Variants in HMGCLL1 observed in about 807,000 individuals in gnomAD.
The protein encoded by HMGCLL1 is 3-hydroxy-3-methylglutaryl-CoA lyase like 1.
Under a neutral mutation model 39.1 loss-of-function variants are expected in HMGCLL1, and 36 were observed. The ratio of observed to expected loss-of-function variants is 0.92; its 90% CI spans 0.71 to 1.22. The LOEUF is 1.22. Ranked by LOEUF, HMGCLL1 falls within the 50% of genes most tolerant of loss-of-function variation. HMGCLL1 has a pLI of 0.00. For synonymous variants in HMGCLL1, 149 were observed against 144.0 expected (o/e 1.03, Z -0.25); for missense variants, 451 against 416.5 (o/e 1.08, Z -0.72).
chr6:55,435,596 T>A lies in HMGCLL1; in HGVS notation c.*66A>T. On this transcript the variant is annotated 3_prime_UTR_variant, in exon 9 of 9. Transcript: ENST00000274901. ...ACATATCAGAGCAAGTTGGCATTAA[T>A]GATTTTCAGATGAGTATTGTAGCTG... is the stretch of plus-strand genomic sequence containing the variant. The A allele has an allele frequency of 1.2e-6, 1 of 834,092 alleles. No individual in the cohort carries two copies. The highest frequency in any genetic ancestry group is 1.9e-6 in the Non-Finnish European group (1 of 535,318). The allele number at this position is 834,092 out of a possible 1,614,324, so 51.7% of individuals were successfully genotyped here. A position where few individuals can be genotyped will look rare whatever the true frequency, so the allele number is the denominator to read the frequency against.
chr6:55,635,136 A>G, the HMGCLL1 span, among the ~76,000 whole-genome samples: 26,076 of 151,992 alleles, frequency 0.17, 2,451 homozygotes, highest in African/African-American at 0.24. Flanking sequence ...CATTCTCAAG[A>G]GCTCTGAGTA....
the HMGCLL1 span, among the ~76,000 whole-genome samples, chr6:55,602,105 A>G: frequency 6.6e-5 from 10 of 152,160 alleles, no homozygotes; most frequent in East Asian, 1.7e-3. Context: ...GACGTATGTA[A>G]TAAAATATGG....
At chr6:55,585,443 G>T in the HMGCLL1 span, among the ~76,000 whole-genome samples, 1 of 152,066 alleles carries the variant, frequency 6.6e-6, no homozygotes, top group Admixed American at 6.6e-5. Flanking sequence ...TTAACTACAA[G>T]CTCAAACTTC....
the HMGCLL1 span, among the ~76,000 whole-genome samples, chr6:55,614,118 G>A: frequency 6.6e-6 from 1 of 151,886 alleles, no homozygotes; most frequent in African/African-American, 2.4e-5. Flanking sequence ...AAATTCATGT[G>A]GAAATATGCA....
At chr6:55,577,225 A>G (rs1372637713) in intron 1 of HMGCLL1, 9 of 1,513,266 alleles carry the variant, frequency 5.9e-6, no homozygotes, top group Non-Finnish European at 7.9e-6. Context: ...TGTGAGTTCA[A>G]TTACGATAAG....
At chr6:55,540,989 GAAT>G (rs1769402809) in intron 3 of HMGCLL1, among the ~76,000 whole-genome samples, 1 of 152,102 alleles carries the variant, frequency 6.6e-6, no homozygotes, top group Non-Finnish European at 1.5e-5. Context: ...TTAGAATAGA[GAAT>G]AATGGAAACC....
chr6:55,542,244 GAATTAA>G (rs1455863200), intron 1 of HMGCLL1, 104 bp from the exon 2 acceptor site: 10 of 595,726 alleles, frequency 1.7e-5, no homozygotes, highest in Non-Finnish European at 2.6e-5. Flanking sequence ...TTACCCCAGA[GAATTAA>G]AATACTGAAA....
At chr6:55,549,797 T>C (rs997911985) in intron 1 of HMGCLL1, among the ~76,000 whole-genome samples, 2 of 151,926 alleles carry the variant, frequency 1.3e-5, no homozygotes, top group African/African-American at 4.9e-5. Flanking sequence ...ATTGATTATA[T>C]AACAATGTCA....
chr6:55,523,093 C>T (rs1768119781), intron 3 of HMGCLL1, among the ~76,000 whole-genome samples: 1 of 151,896 alleles, frequency 6.6e-6, no homozygotes, highest in Non-Finnish European at 1.5e-5. Context: ...TTTTCCCTGA[C>T]CTGGTCAAGT....
chr6:55,466,275 T>C (rs1051727465), intron 7 of HMGCLL1, among the ~76,000 whole-genome samples: 8 of 151,828 alleles, frequency 5.3e-5, no homozygotes, highest in Admixed American at 3.3e-4. Flanking sequence ...GAGATGAACC[T>C]GAGAGCAGTA....
At chr6:55,645,851 GT>G in the HMGCLL1 span, among the ~76,000 whole-genome samples, 502 of 151,398 alleles carry the variant, frequency 3.3e-3, 5 homozygotes, top group Middle Eastern at 0.01. Context: ...TTGGTTTGTA[GT>G]TTTTTTTAAT....
chr6:55,651,981 T>C, the HMGCLL1 span, among the ~76,000 whole-genome samples: 1 of 152,188 alleles, frequency 6.6e-6, no homozygotes, highest in South Asian at 2.1e-4. Context: ...GGAGGGGTGG[T>C]ATTGTTGATT....
At chr6:55,483,358 C>T (rs1409668455) in intron 7 of HMGCLL1, among the ~76,000 whole-genome samples, 1 of 152,128 alleles carries the variant, frequency 6.6e-6, no homozygotes, top group Non-Finnish European at 1.5e-5. Context: ...CTCTGCCTCC[C>T]AGGTTCAAGC....
the HMGCLL1 span, among the ~76,000 whole-genome samples, chr6:55,639,947 A>G: frequency 1.3e-5 from 2 of 151,838 alleles, no homozygotes; most frequent in African/African-American, 2.4e-5. Flanking sequence ...GCGTGGTGGC[A>G]TGTGCCTGTA....
chr6:55,621,061 C>T, the HMGCLL1 span, among the ~76,000 whole-genome samples: 57 of 152,142 alleles, frequency 3.7e-4, no homozygotes, highest in Non-Finnish European at 6.9e-4. Flanking sequence ...TAATGTGATT[C>T]TTCCAGTTTT....
chr6:55,453,234 A>C (rs1334120759), intron 7 of HMGCLL1, among the ~76,000 whole-genome samples: 1 of 152,170 alleles, frequency 6.6e-6, no homozygotes, highest in East Asian at 1.9e-4. Context: ...GCTGGAGCGC[A>C]GTGGTGCAAT....
At chr6:55,640,976 ATGAAAGAGTGGG>A in the HMGCLL1 span, among the ~76,000 whole-genome samples, 7 of 151,892 alleles carry the variant, frequency 4.6e-5, no homozygotes, top group Non-Finnish European at 1.0e-4. Flanking sequence ...ATTCACATTG[ATGAAAGAGTGGG>A]TGAAAGAATC....
intron 5 of HMGCLL1, among the ~76,000 whole-genome samples, chr6:55,509,881 A>G (rs1411990360): frequency 6.6e-6 from 1 of 151,934 alleles, no homozygotes; most frequent in Non-Finnish European, 1.5e-5. Context: ...GATGGACAAA[A>G]TGAACACCCT....
At chr6:55,599,058 A>G in the HMGCLL1 span, among the ~76,000 whole-genome samples, 1,323 of 152,260 alleles carry the variant, frequency 8.7e-3, 15 homozygotes, top group Middle Eastern at 0.031. Flanking sequence ...GTGGGAGCTG[A>G]ACAATGAGAA....
Sources: allele counts gnomAD v4.1 joint callset (sites outside exome capture counted in the v4.1 genomes callset), GRCh38; gene constraint gnomAD v4.1.1; transcripts MANE v1.5; gene names NCBI Gene and HGNC (gene_info 2026-07-23, HGNC 2026-07-21).